The following UBAC2 variants were observed in gnomAD, a reference collection of about 807,000 sequenced individuals.
UBAC2 encodes the protein UBA domain containing 2, also known as ubiquitin-associated domain-containing protein 2.
Under a neutral mutation model 44.0 loss-of-function variants are expected in UBAC2, and 26 were observed. The ratio of observed to expected loss-of-function variants is 0.59; its 90% CI spans 0.43 to 0.82. UBAC2 has a LOEUF of 0.82. UBAC2 is among the 40% of genes least tolerant of loss of function. The pLI is 0.00. For missense variants in UBAC2, 329 were observed against 419.4 expected (o/e 0.78, Z 1.88); for synonymous variants, 155 against 154.3 (o/e 1.00, Z -0.04).
chr13:99,321,499 C>T (rs914572869), intron 6 of UBAC2, among the ~76,000 whole-genome samples: 2 of 152,032 alleles, frequency 1.3e-5, no homozygotes, highest in African/African-American at 2.4e-5. Context: ...TTAGTAGAGA[C>T]GAGGTTTCAC....
At position 99,238,580 on chromosome 13, in the gene UBAC2, AGAG is replaced by A. The variant is rs752488447; in HGVS notation, c.159+30_159+32del. 2.6e-6 allele frequency: 4 copies of A among 1,543,450 alleles called. No individual in the cohort carries two copies. The African/African-American group carries it at 5.5e-5, about 21-fold the overall frequency. Reference sequence around the variant, plus strand: ...GTAAGCTCTGCCTCATTGGCCCCTGAGAGGAGAGCGGACAGTTTTTTTTTTTTC... The same window carrying A: ...GTAAGCTCTGCCTCATTGGCCCCTGAGAGAGCGGACAGTTTTTTTTTTTTC... On this transcript the variant is annotated intron_variant, in intron 2 of 8. Coordinates refer to ENST00000403766, the MANE Select transcript of UBAC2 (RefSeq NM_001144072.2).
intron 1 of UBAC2, chr13:99,201,563 A>T (rs1362112937): frequency 1.9e-6 from 3 of 1,613,916 alleles, no homozygotes; most frequent in Non-Finnish European, 2.5e-6. Context: ...AGCGGTGGTC[A>T]GCAGGTAGGG....
At chr13:99,230,972 C>T (rs1049832038) in intron 1 of UBAC2, among the ~76,000 whole-genome samples, 6 of 151,946 alleles carry the variant, frequency 3.9e-5, no homozygotes, top group African/African-American at 7.3e-5. Flanking sequence ...TCGCTAAACC[C>T]GGTAGGCGGA....
intron 4 of UBAC2, among the ~76,000 whole-genome samples, chr13:99,257,257 A>G (rs750807050): frequency 2.0e-5 from 3 of 152,236 alleles, no homozygotes; most frequent in Admixed American, 1.3e-4. Flanking sequence ...AGTGCTACAG[A>G]GAAAAATTAT....
intron 2 of UBAC2, among the ~76,000 whole-genome samples, chr13:99,242,724 G>C (rs1241512527): frequency 4.4e-5 from 6 of 136,548 alleles, no homozygotes; most frequent in Admixed American, 2.2e-4. Flanking sequence ...GGCTGGCCTG[G>C]CCGGGGCTGA....
intron 4 of UBAC2, among the ~76,000 whole-genome samples, chr13:99,275,207 T>C (rs1830074286): frequency 6.6e-6 from 1 of 152,178 alleles, no homozygotes; most frequent in African/African-American, 2.4e-5. Flanking sequence ...TCTCATGTGG[T>C]TGTACTCAGG....
intron 8 of UBAC2, among the ~76,000 whole-genome samples, chr13:99,376,471 A>T (rs917244822): frequency 6.6e-6 from 1 of 152,162 alleles, no homozygotes; most frequent in Non-Finnish European, 1.5e-5. Flanking sequence ...GTGGGTCTTC[A>T]TCCCCGTGAG....
chr13:99,284,696 A>G (rs568945810), intron 4 of UBAC2, among the ~76,000 whole-genome samples: 2 of 152,334 alleles, frequency 1.3e-5, no homozygotes, highest in African/African-American at 2.4e-5. Flanking sequence ...GTTCAGTATT[A>G]CATGTTGCAT....
chr13:99,260,998 G>A (rs563164054), intron 4 of UBAC2, among the ~76,000 whole-genome samples: 2 of 152,194 alleles, frequency 1.3e-5, no homozygotes, highest in Non-Finnish European at 2.9e-5. Flanking sequence ...AGTTTTTAAT[G>A]AGAAAGAATG....
At chr13:99,253,677 C>A (rs1052556204) in intron 4 of UBAC2, among the ~76,000 whole-genome samples, 1 of 152,096 alleles carries the variant, frequency 6.6e-6, no homozygotes, top group Non-Finnish European at 1.5e-5. Context: ...TCATGCCTGG[C>A]TAATTTTTGT....
At position 99,305,816 on chromosome 13, in the gene UBAC2, TA is replaced by T. The variant is rs529098337; in HGVS notation, c.390-8277del. Among the ~76,000 whole-genome samples, 82 of 152,296 alleles carry T rather than the reference TA, an allele frequency of 5.4e-4. 1 individual carries two copies. Among genetic ancestry groups the T allele is most frequent in the African/African-American group, 1.9e-3 (80 of 41,564 alleles). ...GTGAACCCGCAGAGAGAAAACATGC[TA>T]AAATATAAGAAGTGTGCAGTCCTAC... On this transcript the variant is annotated intron_variant, in intron 4 of 8. Coordinates refer to ENST00000403766, the MANE Select transcript of UBAC2 (RefSeq NM_001144072.2).
chr13:99,283,713 CTTTTTTTTTTTTTTTTTTTT>C (rs71118470), intron 4 of UBAC2, among the ~76,000 whole-genome samples: 41 of 62,600 alleles, frequency 6.5e-4, no homozygotes, highest in Middle Eastern at 0.013. Context: ...TTAATGCCAC[CTTTTTTTTTTTTTTTTTTTT>C]TTTTTTTTTT....
chr13:99,329,220 AAT>A (rs1195153934), intron 6 of UBAC2, among the ~76,000 whole-genome samples: 3 of 152,226 alleles, frequency 2.0e-5, no homozygotes, highest in Admixed American at 6.5e-5. Context: ...GCAATCAGGC[AAT>A]ATAAGTCCTC....
At chr13:99,233,970 T>TTTA (rs916181234) in intron 1 of UBAC2, among the ~76,000 whole-genome samples, 8 of 151,984 alleles carry the variant, frequency 5.3e-5, no homozygotes, top group East Asian at 1.9e-4. Flanking sequence ...GGGTTATTAT[T>TTTA]TTATTATTAT....
intron 4 of UBAC2, among the ~76,000 whole-genome samples, chr13:99,313,757 T>C (rs2044447001): frequency 6.6e-6 from 1 of 152,338 alleles, no homozygotes; most frequent in Non-Finnish European, 1.5e-5. Context: ...AGAATTCTAA[T>C]GTTTGCTGCT....
intron 4 of UBAC2, among the ~76,000 whole-genome samples, chr13:99,298,587 G>T (rs2138724899): frequency 6.6e-6 from 1 of 152,194 alleles, no homozygotes; most frequent in African/African-American, 2.4e-5. Flanking sequence ...AGCTAGAAAA[G>T]AACTGTTTGT....
At chr13:99,299,155 A>G (rs1566491649) in intron 4 of UBAC2, among the ~76,000 whole-genome samples, 2 of 152,232 alleles carry the variant, frequency 1.3e-5, no homozygotes, top group East Asian at 3.8e-4. Flanking sequence ...TGCGTGTCTG[A>G]CTGCATCACC....
chr13:99,267,525 G>A (rs2043759132), intron 4 of UBAC2, among the ~76,000 whole-genome samples: 1 of 152,164 alleles, frequency 6.6e-6, no homozygotes, highest in Non-Finnish European at 1.5e-5. Flanking sequence ...GTATTTTCCT[G>A]CAGTCCTCAG....
At chr13:99,374,458 G>T (rs1320031147) in intron 8 of UBAC2, among the ~76,000 whole-genome samples, 2 of 152,176 alleles carry the variant, frequency 1.3e-5, no homozygotes. Flanking sequence ...ATGACACGTC[G>T]TGTGGATTCT....
Sources: allele counts gnomAD v4.1 joint callset (sites outside exome capture counted in the v4.1 genomes callset), GRCh38; gene constraint gnomAD v4.1.1; transcripts MANE v1.5; gene names NCBI Gene and HGNC (gene_info 2026-07-23, HGNC 2026-07-21).